Variants in KLHDC4 observed in about 807,000 individuals in gnomAD.
KLHDC4 encodes the protein kelch domain-containing protein 4.
KLHDC4 carries 90 observed loss-of-function variants against 62.4 expected under a neutral mutation model. That is an observed-to-expected ratio of 1.44 (90% CI 1.22 to 1.72). KLHDC4 has a LOEUF of 1.72. Ranked by LOEUF, KLHDC4 falls within the 40% of genes most tolerant of loss-of-function variation. The probability of loss-of-function intolerance (pLI) is 0.00; values close to 1 mark genes in which losing one functional copy is unlikely to be tolerated. For synonymous variants in KLHDC4, 386 were observed against 284.4 expected (o/e 1.36, Z -3.59); for missense variants, 1,025 against 699.7 (o/e 1.47, Z -5.25).
intron 4 of KLHDC4, among the ~76,000 whole-genome samples, chr16:87,753,448 C>G (rs539835015): frequency 3.9e-5 from 6 of 152,290 alleles, no homozygotes; most frequent in African/African-American, 1.2e-4. Flanking sequence ...TCAAGATGAT[C>G]TGCAAGGAAC....
chr16:87,739,288 C>G (rs866660825), intron 5 of KLHDC4, among the ~76,000 whole-genome samples: 13 of 123,354 alleles, frequency 1.1e-4, no homozygotes, highest in East Asian at 2.7e-4. Flanking sequence ...ACACCAGCAC[C>G]TCATCCATCC....
intron 7 of KLHDC4, among the ~76,000 whole-genome samples, chr16:87,722,105 T>C (rs2038480297): frequency 6.6e-6 from 1 of 152,342 alleles, no homozygotes; most frequent in African/African-American, 2.4e-5. Context: ...GTCTAAGGAC[T>C]GAGTCTTTGA....
At chr16:87,721,293 G>A (rs1461161411) in intron 7 of KLHDC4, among the ~76,000 whole-genome samples, 3 of 151,842 alleles carry the variant, frequency 2.0e-5, no homozygotes, top group Admixed American at 2.0e-4. Context: ...GGTGGCAGGC[G>A]CCTGTAGTCC....
In KLHDC4 at chr16:87,761,442, A is replaced by C. The variant is rs1261046272; in HGVS notation, c.191+507T>G. Among the ~76,000 whole-genome samples, 3 of 152,246 alleles carry C rather than the reference A, an allele frequency of 2.0e-5. No individual in the cohort carries two copies. The East Asian group carries it at 5.8e-4, about 29-fold the overall frequency. The stretch of plus-strand genomic sequence containing the variant: ...TACTGAGGGAAATAAACCATTTCTC[A>C]TTCCAGCTCATCCCACACGTGTATG... On this transcript the variant is annotated intron_variant, in intron 2 of 11. Coordinates refer to ENST00000270583, the MANE Select transcript of KLHDC4 (RefSeq NM_017566.4).
At chr16:87,745,715 CCA>C (rs1321847764) in intron 5 of KLHDC4, among the ~76,000 whole-genome samples, 48 of 152,222 alleles carry the variant, frequency 3.2e-4, no homozygotes, top group African/African-American at 1.1e-3. Flanking sequence ...CAGGCTGAGG[CCA>C]TGGGGACAGT....
At chr16:87,765,249 A>C (rs1467852811) in intron 1 of KLHDC4, 1 of 456,000 alleles carries the variant, frequency 2.2e-6, no homozygotes, top group African/African-American at 2.0e-5. Flanking sequence ...GGCCGCCATC[A>C]GCTGCTACGG....
chr16:87,732,143 C>T (rs933316491), intron 5 of KLHDC4, among the ~76,000 whole-genome samples: 6 of 150,768 alleles, frequency 4.0e-5, no homozygotes, highest in Non-Finnish European at 7.4e-5. Flanking sequence ...TTGCCCAGGC[C>T]GGAGTGCAGT....
chr16:87,738,478 G>GC (rs2041729371), intron 5 of KLHDC4, among the ~76,000 whole-genome samples: 1 of 152,102 alleles, frequency 6.6e-6, no homozygotes, highest in Non-Finnish European at 1.5e-5. Flanking sequence ...CAGCAACACT[G>GC]CAAGAGCAGA....
intron 1 of KLHDC4, among the ~76,000 whole-genome samples, chr16:87,762,817 C>T (rs554597179): frequency 1.3e-5 from 2 of 152,274 alleles, no homozygotes; most frequent in South Asian, 2.1e-4. Flanking sequence ...CATGCACACC[C>T]GAGCCTGGCA....
At chr16:87,713,633 C>T (rs190610102) in intron 8 of KLHDC4, among the ~76,000 whole-genome samples, 16 of 152,256 alleles carry the variant, frequency 1.1e-4, no homozygotes, top group African/African-American at 3.9e-4. Context: ...GACGGGCAGC[C>T]ACTGGCAGGA....
intron 7 of KLHDC4, among the ~76,000 whole-genome samples, chr16:87,723,035 G>A (rs2038712623): frequency 6.6e-6 from 1 of 152,356 alleles, no homozygotes; most frequent in South Asian, 2.1e-4. Context: ...GCTGGGTCAT[G>A]CCAAGAGGAC....
intron 7 of KLHDC4, among the ~76,000 whole-genome samples, chr16:87,718,726 G>C (rs12931328): frequency 6.8e-6 from 1 of 146,650 alleles, no homozygotes; most frequent in Non-Finnish European, 1.5e-5. Flanking sequence ...CGGCTGCCCA[G>C]CCTGGGAAGT....
downstream of KLHDC4, among the ~76,000 whole-genome samples, chr16:87,705,104 C>G (rs1489532226): frequency 1.6e-5 from 2 of 126,892 alleles, no homozygotes; most frequent in Non-Finnish European, 3.2e-5. Flanking sequence ...GAGGGAAAGG[C>G]TTCCTAACAG....
chr16:87,714,355 A>AC, intron 8 of KLHDC4, 143 bp downstream of exon 8: 2 of 239,038 alleles, frequency 8.4e-6, no homozygotes, highest in Non-Finnish European at 1.4e-5. Context: ...GCCCACCCCG[A>AC]AATGAGCCAT....
intron 9 of KLHDC4, 54 bp downstream of exon 9, chr16:87,711,181 G>A: frequency 6.3e-7 from 1 of 1,586,488 alleles, no homozygotes; most frequent in Non-Finnish European, 8.6e-7. Context: ...GTGGTGGCAG[G>A]GACCCAAGTT....
chr16:87,735,313 A>C (rs1331979784), intron 5 of KLHDC4, among the ~76,000 whole-genome samples: 4 of 136,328 alleles, frequency 2.9e-5, no homozygotes, highest in Non-Finnish European at 4.4e-5. Context: ...AAAAAAAAAA[A>C]GAAAAAAAAA....
At chr16:87,711,599 G>T (rs957716841) in intron 8 of KLHDC4, among the ~76,000 whole-genome samples, 156 bp from the exon 9 acceptor site, 2 of 152,218 alleles carry the variant, frequency 1.3e-5, no homozygotes, top group Non-Finnish European at 2.9e-5. Context: ...CAGAAAAACA[G>T]ACACCATTCA....
chr16:87,740,939 G>A (rs979948694), intron 5 of KLHDC4: 1 of 152,168 alleles, frequency 6.6e-6, no homozygotes, highest in African/African-American at 2.4e-5. Context: ...ACTCAAGCAA[G>A]AGACTGAAGA....
downstream of KLHDC4, among the ~76,000 whole-genome samples, chr16:87,706,447 C>T (rs2034736519): frequency 1.5e-5 from 2 of 135,592 alleles, no homozygotes; most frequent in Non-Finnish European, 3.2e-5. Flanking sequence ...GCGGAGGGGG[C>T]CGGCACAACG....
Sources: allele counts gnomAD v4.1 joint callset (sites outside exome capture counted in the v4.1 genomes callset), GRCh38; gene constraint gnomAD v4.1.1; transcripts MANE v1.5; gene names NCBI Gene and HGNC (gene_info 2026-07-23, HGNC 2026-07-21).